CCDC171: variants seen among roughly 807,000 people sequenced by gnomAD.
The protein encoded by CCDC171 is coiled-coil domain containing 171, also known as coiled-coil domain-containing protein 171.
In CCDC171, 177 loss-of-function variants were observed where a neutral mutation model predicts 168.2. That is an observed-to-expected ratio of 1.05 (90% CI 0.93 to 1.19). CCDC171 has a LOEUF of 1.19. CCDC171 is among the 50% of genes most tolerant of loss of function. The pLI is 0.00. For synonymous variants in CCDC171, 687 were observed against 540.8 expected, an observed-to-expected ratio of 1.27 and a Z score of -3.75; for missense variants, 1,991 against 1,539.0, an observed-to-expected ratio of 1.29 and a Z score of -4.91.
chr9:15,601,199 G>T (rs1288693234), intron 6 of CCDC171, among the ~76,000 whole-genome samples: 1 of 152,202 alleles, frequency 6.6e-6, no homozygotes, highest in African/African-American at 2.4e-5. Context: ...AGTTGGAAAT[G>T]CAGAAATCAT....
chr9:16,100,057 A>T, the CCDC171 span, among the ~76,000 whole-genome samples: 1 of 152,140 alleles, frequency 6.6e-6, no homozygotes, highest in Non-Finnish European at 1.5e-5. Context: ...CAGTGAATGC[A>T]TGTAATACCA....
At chr9:15,603,034 T>G (rs1278356221) in intron 6 of CCDC171, among the ~76,000 whole-genome samples, 1 of 152,052 alleles carries the variant, frequency 6.6e-6, no homozygotes, top group Non-Finnish European at 1.5e-5. Flanking sequence ...CAGATTGGAG[T>G]GCAGTGGCGC....
intron 11 of CCDC171, among the ~76,000 whole-genome samples, chr9:15,710,708 G>A (rs1198687228): frequency 6.6e-6 from 1 of 152,052 alleles, no homozygotes; most frequent in Non-Finnish European, 1.5e-5. Flanking sequence ...CGATTCTCCT[G>A]CCTCATCCTC....
intron 23 of CCDC171, among the ~76,000 whole-genome samples, chr9:15,853,426 A>G (rs968406032): frequency 6.6e-6 from 1 of 151,506 alleles, no homozygotes; most frequent in African/African-American, 2.4e-5. Flanking sequence ...TTGTATGTTT[A>G]TCTTTTTGTA....
intron 8 of CCDC171, among the ~76,000 whole-genome samples, chr9:15,665,501 C>T (rs1488598229): frequency 6.6e-6 from 1 of 152,136 alleles, no homozygotes; most frequent in Non-Finnish European, 1.5e-5. Context: ...AAAAACCAGG[C>T]CAGGAGCAGC....
intron 7 of CCDC171, among the ~76,000 whole-genome samples, chr9:15,623,635 T>C (rs1454036432): frequency 6.6e-6 from 1 of 152,178 alleles, no homozygotes; most frequent in Non-Finnish European, 1.5e-5. Context: ...GAGTATTTTC[T>C]GTTTTGCCCT....
intron 7 of CCDC171, among the ~76,000 whole-genome samples, chr9:15,656,885 A>G (rs1004538749): frequency 1.3e-5 from 2 of 151,762 alleles, no homozygotes; most frequent in Non-Finnish European, 2.9e-5. Flanking sequence ...CAAAAAGTAT[A>G]TTTTCACTAT....
chr9:15,598,014 T>C (rs544747657), intron 6 of CCDC171, among the ~76,000 whole-genome samples: 21 of 152,232 alleles, frequency 1.4e-4, no homozygotes, highest in African/African-American at 4.8e-4. Flanking sequence ...TTTTTTATTG[T>C]GTCTATTTGA....
intron 24 of CCDC171, among the ~76,000 whole-genome samples, chr9:15,907,252 A>C (rs1303140963): frequency 6.6e-6 from 1 of 152,218 alleles, no homozygotes; most frequent in Non-Finnish European, 1.5e-5. Flanking sequence ...ACCTGACTTC[A>C]AACTATACTA....
At chr9:15,670,243 T>C (rs1309638655) in intron 9 of CCDC171, among the ~76,000 whole-genome samples, 2 of 152,178 alleles carry the variant, frequency 1.3e-5, no homozygotes, top group Non-Finnish European at 2.9e-5. Flanking sequence ...CAGTTTGGCC[T>C]TTATTTATAA....
intron 21 of CCDC171, among the ~76,000 whole-genome samples, chr9:15,795,817 GCCTGTGCCACA>G (rs910064861): frequency 6.6e-6 from 1 of 152,150 alleles, no homozygotes; most frequent in Non-Finnish European, 1.5e-5. Flanking sequence ...TGGAACCTAG[GCCTGTGCCACA>G]CACAGGGTCT....
intron 19 of CCDC171, 31 bp downstream of exon 19, chr9:15,777,857 T>TAC: frequency 7.2e-7 from 1 of 1,386,938 alleles, no homozygotes; most frequent in Non-Finnish European, 9.7e-7. Flanking sequence ...AGTAGTAACC[T>TAC]AAGAACTTGT....
intron 21 of CCDC171, among the ~76,000 whole-genome samples, chr9:15,822,624 A>G (rs533598889): frequency 6.6e-6 from 1 of 152,296 alleles, no homozygotes; most frequent in African/African-American, 2.4e-5. Context: ...GCAAATCAAA[A>G]CCACAGTGAG....
At chr9:15,634,725 G>T (rs531426477) in intron 7 of CCDC171, among the ~76,000 whole-genome samples, 69 of 152,220 alleles carry the variant, frequency 4.5e-4, no homozygotes, top group Non-Finnish European at 4.1e-4. Flanking sequence ...TCACAGCATT[G>T]TGCAACCATT....
At chr9:15,628,728 C>A (rs1487679383) in intron 7 of CCDC171, among the ~76,000 whole-genome samples, 3 of 152,310 alleles carry the variant, frequency 2.0e-5, no homozygotes, top group Non-Finnish European at 1.5e-5. Flanking sequence ...ACTGCCTCCT[C>A]AAGTGGGTCC....
At chr9:15,944,801 G>A (rs932796667) in intron 25 of CCDC171, among the ~76,000 whole-genome samples, 5 of 150,368 alleles carry the variant, frequency 3.3e-5, no homozygotes, top group Admixed American at 6.7e-5. Flanking sequence ...TCTAGGCAGA[G>A]CATGGTAGTT....
intron 3 of CCDC171, among the ~76,000 whole-genome samples, chr9:15,989,971 C>T (rs966837197): frequency 1.3e-5 from 2 of 152,066 alleles, no homozygotes; most frequent in East Asian, 1.9e-4. Context: ...TTGAAAGTGA[C>T]GGGGAGAAAG....
chr9:16,059,132 T>A (rs999313714), intron 1 of CCDC171, among the ~76,000 whole-genome samples: 4 of 152,238 alleles, frequency 2.6e-5, no homozygotes, highest in African/African-American at 7.2e-5. Context: ...ATGAGCCATG[T>A]TCTTGGGTCA....
chr9:16,052,556 T>C (rs2133073246), intron 1 of CCDC171, among the ~76,000 whole-genome samples: 1 of 152,258 alleles, frequency 6.6e-6, no homozygotes, highest in Non-Finnish European at 1.5e-5. Context: ...GCATTATATA[T>C]ATTAGAACTT....
Sources: gnomAD v4.1 joint callset for allele counts (sites outside exome capture counted in the v4.1 genomes callset) on GRCh38, gnomAD v4.1.1 for gene constraint, MANE v1.5 for transcripts, NCBI Gene and HGNC (gene_info 2026-07-23, HGNC 2026-07-21) for gene names.